Variants in SCRG1 observed in about 807,000 individuals in gnomAD.
The protein encoded by SCRG1 is stimulator of chondrogenesis 1.
SCRG1 carries 3 observed loss-of-function variants against 7.7 expected under a neutral mutation model. The ratio of observed to expected loss-of-function variants is 0.39; its 90% CI spans 0.18 to 1.01. The LOEUF is 1.01. Among genes scored for constraint, SCRG1 ranks in the 50% least tolerant of loss-of-function variants. The probability of loss-of-function intolerance (pLI) is 0.36; values close to 1 mark genes in which losing one functional copy is unlikely to be tolerated. For missense variants in SCRG1, 110 were observed against 117.2 expected, an observed-to-expected ratio of 0.94 and a Z score of 0.28; for synonymous variants, 46 against 41.2, an observed-to-expected ratio of 1.12 and a Z score of -0.44.
upstream of SCRG1, among the ~76,000 whole-genome samples, chr4:173,401,378 C>A (rs891566071): frequency 6.6e-6 from 1 of 152,128 alleles, no homozygotes; most frequent in African/African-American, 2.4e-5. Flanking sequence ...TGGAAACTAG[C>A]CTTTATTCCA....
the SCRG1 span, among the ~76,000 whole-genome samples, chr4:173,489,444 C>G: frequency 9.2e-5 from 14 of 152,138 alleles, no homozygotes; most frequent in African/African-American, 3.4e-4. Flanking sequence ...CTGAAGTATA[C>G]TTCATGAGTC....
chr4:173,401,897 G>A (rs4696068), upstream of SCRG1, among the ~76,000 whole-genome samples: 146,866 of 152,304 alleles, frequency 0.96, 71,036 homozygotes, highest in East Asian at 1. Flanking sequence ...CATTACATGG[G>A]GATGTCCTTT....
the SCRG1 span, among the ~76,000 whole-genome samples, chr4:173,483,228 TATATATAATATATG>T: frequency 0.014 from 1,178 of 81,494 alleles, 39 homozygotes; most frequent in African/African-American, 0.049. Flanking sequence ...ATATATATAT[TATATATAATATATG>T]ATATATCATA....
At chr4:173,497,739 C>T in the SCRG1 span, among the ~76,000 whole-genome samples, 1 of 145,562 alleles carries the variant, frequency 6.9e-6, no homozygotes, top group Non-Finnish European at 1.5e-5. Context: ...GGCACTGTGT[C>T]AGCTCACTGC....
the SCRG1 span, among the ~76,000 whole-genome samples, chr4:173,454,161 G>A: frequency 1.3e-5 from 2 of 151,932 alleles, no homozygotes; most frequent in Non-Finnish European, 2.9e-5. Flanking sequence ...AACTGGGCCA[G>A]GGAAGGTGGA....
At chr4:173,433,788 A>C in the SCRG1 span, among the ~76,000 whole-genome samples, 1 of 152,112 alleles carries the variant, frequency 6.6e-6, no homozygotes, top group South Asian at 2.1e-4. Context: ...CCTCTGTCGG[A>C]GGTCAGAGCC....
the SCRG1 span, among the ~76,000 whole-genome samples, chr4:173,487,154 G>A: frequency 1.3e-5 from 2 of 152,186 alleles, no homozygotes; most frequent in Admixed American, 1.3e-4. Context: ...ATTCTAATGT[G>A]CAGGCAGGGC....
chr4:173,484,683 TATATTATATATTATATGCATATAATAC>T, the SCRG1 span, among the ~76,000 whole-genome samples: 5 of 50,066 alleles, frequency 1.0e-4, no homozygotes, highest in African/African-American at 1.4e-4. Context: ...ATGTATAATA[TATATTATATATTATATGCATATAATAC>T]ATATTATATA....
chr4:173,508,814 A>G, the SCRG1 span, among the ~76,000 whole-genome samples: 1 of 152,128 alleles, frequency 6.6e-6, no homozygotes, highest in African/African-American at 2.4e-5. This position sits in a 1 kb window ranked among gnomAD's most constrained non-coding sequence, Gnocchi z 4.4. Flanking sequence ...CTGTGGGAGA[A>G]GCACTCGGGG....
the SCRG1 span, among the ~76,000 whole-genome samples, chr4:173,491,593 T>C: frequency 6.6e-6 from 1 of 152,222 alleles, no homozygotes; most frequent in Non-Finnish European, 1.5e-5. Flanking sequence ...AATCAGCTCC[T>C]GAGTAATATC....
chr4:173,500,636 C>T, the SCRG1 span, among the ~76,000 whole-genome samples: 2 of 152,130 alleles, frequency 1.3e-5, no homozygotes, highest in Non-Finnish European at 2.9e-5. Flanking sequence ...TCCGCTACCA[C>T]GCCCAGCTAA....
the SCRG1 span, among the ~76,000 whole-genome samples, chr4:173,501,366 G>GC: frequency 1.3e-5 from 2 of 152,206 alleles, no homozygotes; most frequent in Admixed American, 1.3e-4. This position sits in a 1 kb window ranked among gnomAD's most constrained non-coding sequence, Gnocchi z 5.1. Flanking sequence ...TTTGCTCTCG[G>GC]CCGCCCCAAA....
the SCRG1 span, among the ~76,000 whole-genome samples, chr4:173,504,080 G>T: frequency 1.3e-5 from 2 of 152,170 alleles, no homozygotes; most frequent in Admixed American, 6.5e-5. The surrounding 1 kb of genome is among the most constrained non-coding windows in gnomAD (Gnocchi z 4.7). Context: ...CCAGCACTCA[G>T]TGGATGCCTA....
chr4:173,451,928 T>C, the SCRG1 span, among the ~76,000 whole-genome samples: 1 of 152,294 alleles, frequency 6.6e-6, no homozygotes, highest in South Asian at 2.1e-4. Context: ...CTGAGGTAGC[T>C]CTTGCAAGAA....
the SCRG1 span, among the ~76,000 whole-genome samples, chr4:173,461,613 G>C: frequency 6.6e-6 from 1 of 152,174 alleles, no homozygotes; most frequent in African/African-American, 2.4e-5. Flanking sequence ...AGCTCAGATA[G>C]TAAAGACTAC....
chr4:173,449,392 G>A, the SCRG1 span, among the ~76,000 whole-genome samples: 6 of 150,318 alleles, frequency 4.0e-5, no homozygotes, highest in Non-Finnish European at 7.4e-5. Context: ...ATACCCGAAT[G>A]TGACAGATGA....
the SCRG1 span, among the ~76,000 whole-genome samples, chr4:173,462,404 A>G: frequency 2.0e-5 from 3 of 152,216 alleles, no homozygotes; most frequent in African/African-American, 7.2e-5. Flanking sequence ...GCAGCATGGC[A>G]TATTTAAAGT....
chr4:173,483,221 T>TATC, the SCRG1 span, among the ~76,000 whole-genome samples: 2 of 61,048 alleles, frequency 3.3e-5, no homozygotes, highest in Non-Finnish European at 6.3e-5. Context: ...TCATATAATA[T>TATC]ATATATTATA....
intron 1 of SCRG1, among the ~76,000 whole-genome samples, chr4:173,396,686 C>T (rs1167857011): frequency 2.0e-5 from 3 of 149,598 alleles, no homozygotes; most frequent in African/African-American, 7.4e-5. Context: ...GAAAGTTCCA[C>T]ACCTAGCAAG....
Sources: allele counts gnomAD v4.1 joint callset (sites outside exome capture counted in the v4.1 genomes callset), GRCh38; gene constraint gnomAD v4.1.1; non-coding constraint Gnocchi (gnomAD v3.1); transcripts MANE v1.5; gene names NCBI Gene and HGNC (gene_info 2026-07-23, HGNC 2026-07-21).